The following NCKAP1L variants were observed in gnomAD, a reference collection of about 807,000 sequenced individuals.
The protein encoded by NCKAP1L is NCK associated protein 1 like.
In NCKAP1L, 53 loss-of-function variants were observed where a neutral mutation model predicts 139.2. That is an observed-to-expected ratio of 0.38 (90% CI 0.31 to 0.48). The LOEUF (loss-of-function observed/expected upper bound fraction) is 0.48. Among genes scored for constraint, NCKAP1L ranks in the 20% least tolerant of loss-of-function variants. The probability of loss-of-function intolerance (pLI) is 0.98; values close to 1 mark genes in which losing one functional copy is unlikely to be tolerated. For synonymous variants in NCKAP1L, 468 were observed against 499.7 expected (o/e 0.94, Z 0.85); for missense variants, 1,151 against 1,381.9 (o/e 0.83, Z 2.65).
At chr12:54,532,902 G>C (rs551470681) in intron 26 of NCKAP1L, among the ~76,000 whole-genome samples, 1 of 152,202 alleles carries the variant, frequency 6.6e-6, no homozygotes, top group South Asian at 2.1e-4. Context: ...TAGAGCCTAG[G>C]AATAGAATCC....
At chr12:54,528,606 A>G (rs556566942) in intron 22 of NCKAP1L, among the ~76,000 whole-genome samples, 5 of 151,658 alleles carry the variant, frequency 3.3e-5, no homozygotes, top group Admixed American at 2.0e-4. Context: ...GTCTGCTGTC[A>G]TGGCATCTTC....
Position 54,497,830 on chromosome 12 carries a change from A to C in NCKAP1L, c.41A>C (p.Lys14Thr). Residue 14 changes from lysine (K) to threonine (T), a missense_variant, in exon 1 of 31, where the codon AAG becomes ACG. Coordinates refer to ENST00000293373, the MANE Select transcript of NCKAP1L (RefSeq NM_005337.5). ...TSAYQHKLAE[K>T]LTILNDRGQG... The stretch of plus-strand genomic sequence containing the variant: ...GCTTACCAGCATAAATTAGCAGAGA[A>C]GCTCACTATCCTGAATGATCGCGGT... 5.0e-6 allele frequency: 8 copies of C among 1,613,924 alleles called. No homozygotes were observed. The highest frequency in any genetic ancestry group is 6.8e-6 in the Non-Finnish European group (8 of 1,179,768).
chr12:54,532,549 T>G (rs1388439458), intron 26 of NCKAP1L, among the ~76,000 whole-genome samples: 2 of 152,140 alleles, frequency 1.3e-5, no homozygotes, highest in Non-Finnish European at 2.9e-5. Context: ...ATATGAGCAC[T>G]GTGCAAATTA....
At chr12:54,500,475 T>C in intron 2 of NCKAP1L, 58 bp from the exon 3 acceptor site, 1 of 1,189,838 alleles carries the variant, frequency 8.4e-7, no homozygotes, top group Non-Finnish European at 1.3e-6. Flanking sequence ...TCTTGAGTTA[T>C]TTGGATCAAT....
intron 21 of NCKAP1L, among the ~76,000 whole-genome samples, chr12:54,527,729 C>T (rs960448489): frequency 1.1e-4 from 17 of 152,110 alleles, no homozygotes; most frequent in African/African-American, 3.9e-4. Context: ...CTGGGAGAGG[C>T]GGGTTGGTCA....
At chr12:54,504,534 C>A (rs1204308032) in intron 3 of NCKAP1L, among the ~76,000 whole-genome samples, 2 of 152,186 alleles carry the variant, frequency 1.3e-5, no homozygotes, top group African/African-American at 2.4e-5. Context: ...TTTTAGAACA[C>A]CTTCTGGTTG....
intron 4 of NCKAP1L, 47 bp downstream of exon 4, chr12:54,507,956 C>T: frequency 6.4e-7 from 1 of 1,568,314 alleles, no homozygotes; most frequent in Non-Finnish European, 8.8e-7. Context: ...AAAGAAAAGG[C>T]CAGGTCTAGG....
chr12:54,536,119 C>G lies in NCKAP1L; in HGVS notation c.2957-10C>G. 1.3e-6 allele frequency: 2 copies of G among 1,592,892 alleles called. No homozygotes were observed. Among genetic ancestry groups the G allele is most frequent in the South Asian group, 1.1e-5 (1 of 90,640 alleles). ...TCACTTTTCCTCTTTTCCTTTTTCC[C>G]TCTCACCAGATACTTCATCTCCTGA... On this transcript the variant is annotated splice_polypyrimidine_tract_variant and intron_variant, in intron 27 of 30. Coordinates refer to ENST00000293373, the MANE Select transcript of NCKAP1L (RefSeq NM_005337.5).
In NCKAP1L at chr12:54,541,103, G is replaced by A. The variant is rs150335993; in HGVS notation, c.3274-1472G>A. On this transcript the variant is annotated intron_variant, in intron 30 of 30. Coordinates refer to ENST00000293373, the MANE Select transcript of NCKAP1L (RefSeq NM_005337.5). ...CCTCAGTGTTGCCAGTCTGTTCCTG[G>A]CACAGGTTTCCTGGGGAAAGACATG... 7.8e-3 allele frequency among the ~76,000 whole-genome samples: 1,193 copies of A among 152,312 alleles called. 13 individuals are homozygous for A. Among genetic ancestry groups the A allele is most frequent in the South Asian group, 0.019 (90 of 4,832 alleles).
intron 18 of NCKAP1L, 137 bp from the exon 19 acceptor site, chr12:54,523,257 G>A (rs1957000066): frequency 4.1e-6 from 4 of 964,964 alleles, no homozygotes; most frequent in Non-Finnish European, 6.2e-6. Flanking sequence ...TAAAGAAAGA[G>A]GTGTGTGGAA....
At chr12:54,539,127 T>G (rs1419328469) in intron 30 of NCKAP1L, among the ~76,000 whole-genome samples, 154 bp downstream of exon 30, 2 of 152,252 alleles carry the variant, frequency 1.3e-5, no homozygotes, top group African/African-American at 2.4e-5. Context: ...AGTCCTCACA[T>G]TCTGATTAAC....
rs115477091 is a variant in NCKAP1L at position 54,515,637 on chromosome 12, T to C, written c.942-602T>C. Reference sequence around the variant, plus strand: ...AGAGAAGTTTGGTGGTGTGGGAAAATAAGCAGAATTCGGTGGATTGTCAGG... The same window carrying C: ...AGAGAAGTTTGGTGGTGTGGGAAAACAAGCAGAATTCGGTGGATTGTCAGG... On this transcript the variant is annotated intron_variant, in intron 9 of 30. Coordinates refer to ENST00000293373, the MANE Select transcript of NCKAP1L (RefSeq NM_005337.5). 2.5e-3 allele frequency among the ~76,000 whole-genome samples: 376 copies of C among 152,214 alleles called. 3 individuals carry two copies. Among genetic ancestry groups the C allele is most frequent in the African/African-American group, 8.9e-3 (369 of 41,516 alleles).
At chr12:54,536,078 T>C in intron 27 of NCKAP1L, 51 bp from the exon 28 acceptor site, 1 of 1,346,000 alleles carries the variant, frequency 7.4e-7, no homozygotes, top group South Asian at 1.2e-5. Flanking sequence ...AGATAACTTC[T>C]GTTTGCTGAC....
rs781305311 is a variant in NCKAP1L, at chr12:54,531,735, C to T, written c.2699-8C>T. ...ATTATCTTTTCTAACACGCTTCTTT[C>T]TCCTCAGGGGCTGAAAATGTGCTAA... On this transcript the variant is annotated splice_polypyrimidine_tract_variant and splice_region_variant and intron_variant, in intron 24 of 30. Coordinates refer to ENST00000293373, the MANE Select transcript of NCKAP1L (RefSeq NM_005337.5). 1.5e-4 allele frequency: 238 copies of T among 1,610,268 alleles called. No homozygotes were observed. The highest frequency in any genetic ancestry group is 5.3e-5 in the Non-Finnish European group (62 of 1,176,866).
chr12:54,539,463 G>A (rs530360776), intron 30 of NCKAP1L, among the ~76,000 whole-genome samples: 2 of 152,342 alleles, frequency 1.3e-5, no homozygotes, highest in South Asian at 4.1e-4. Flanking sequence ...GGAGCCTGGT[G>A]GGCCATGAAT....
rs761772595 is a variant in NCKAP1L, at chr12:54,499,443, A to G, written c.191A>G (p.Asn64Ser). The G allele has an allele frequency of 3.1e-6, 5 of 1,597,638 alleles. No homozygotes were observed. Among genetic ancestry groups the G allele is most frequent in the South Asian group, 1.1e-5 (1 of 90,742 alleles). ...AAGTATATCAACAAGAAATTTCCCA[A>G]CATAGATGTCCGAAACAGCACGGTG... is the stretch of plus-strand genomic sequence containing the variant. ...SLKYINKKFPNIDVRNSTQHL... is the reference protein window; with the variant it reads ...SLKYINKKFPSIDVRNSTQHL... Residue 64 changes from asparagine to serine, a missense_variant, in exon 2 of 31, where the codon AAC (asparagine) becomes AGC (serine). Transcript: ENST00000293373.
intron 7 of NCKAP1L, 21 bp downstream of exon 7, chr12:54,510,006 G>A: frequency 6.2e-7 from 1 of 1,613,104 alleles, no homozygotes; most frequent in African/African-American, 1.3e-5. Context: ...TTTTCCTTTT[G>A]TTAGTGGAAG....
chr12:54,540,710 G>C (rs1957151008), intron 30 of NCKAP1L, among the ~76,000 whole-genome samples: 1 of 152,196 alleles, frequency 6.6e-6, no homozygotes, highest in Non-Finnish European at 1.5e-5. Context: ...TCCTCAGGTA[G>C]TTTTCACCCC....
At chr12:54,526,814 C>T (rs1957030826) in intron 21 of NCKAP1L, 68 bp downstream of exon 21, 6 of 1,352,846 alleles carry the variant, frequency 4.4e-6, no homozygotes, top group Non-Finnish European at 4.1e-6. Context: ...CACGGTAGGA[C>T]CTCAGGGCCC....
Sources: gnomAD v4.1 joint callset for allele counts (sites outside exome capture counted in the v4.1 genomes callset) on GRCh38, gnomAD v4.1.1 for gene constraint, MANE v1.5 for transcripts, NCBI Gene and HGNC (gene_info 2026-07-23, HGNC 2026-07-21) for gene names.